The following LOC400499 variants were observed in gnomAD, a reference collection of about 807,000 sequenced individuals.
the LOC400499 span, chr16:11,460,433 C>A: frequency 6.7e-7 from 1 of 1,484,426 alleles, no homozygotes; most frequent in South Asian, 1.3e-5. Context: ...ACTTGCCTGA[C>A]TCTAGTGCTC....
At chr16:11,373,010 T>A in the LOC400499 span, among the ~76,000 whole-genome samples, 1 of 152,232 alleles carries the variant, frequency 6.6e-6, no homozygotes, top group African/African-American at 2.4e-5. Context: ...TGTGGAGTGC[T>A]CACTCTGTGT....
the LOC400499 span, among the ~76,000 whole-genome samples, chr16:11,515,197 G>A: frequency 6.6e-6 from 1 of 152,062 alleles, no homozygotes; most frequent in Admixed American, 6.5e-5. Context: ...TGTAGTCCCA[G>A]CTACTTGGGA....
At chr16:11,466,107 G>A in the LOC400499 span, among the ~76,000 whole-genome samples, 1 of 152,114 alleles carries the variant, frequency 6.6e-6, no homozygotes, top group African/African-American at 2.4e-5. Flanking sequence ...ACAGCAATTT[G>A]CGCTACACAG....
the LOC400499 span, among the ~76,000 whole-genome samples, chr16:11,387,720 C>T: frequency 2.0e-5 from 3 of 152,178 alleles, no homozygotes; most frequent in South Asian, 2.1e-4. Context: ...CTCTGCCTCC[C>T]GGGTTTGTTT....
chr16:11,435,179 T>C, the LOC400499 span, among the ~76,000 whole-genome samples: 3 of 151,990 alleles, frequency 2.0e-5, no homozygotes, highest in African/African-American at 7.3e-5. Flanking sequence ...ATGGGGTCTA[T>C]GTTGTCCAGA....
chr16:11,516,034 T>A, the LOC400499 span: 1 of 399,360 alleles, frequency 2.5e-6, no homozygotes, highest in Non-Finnish European at 4.4e-6. Context: ...GGTGCTGGTA[T>A]GTGGTAGGAC....
the LOC400499 span, among the ~76,000 whole-genome samples, chr16:11,458,107 G>T: frequency 3.9e-5 from 6 of 152,236 alleles, no homozygotes; most frequent in African/African-American, 1.4e-4. Flanking sequence ...CACTTTGGGA[G>T]GCCAAGGCAG....
At chr16:11,422,095 G>A in the LOC400499 span, among the ~76,000 whole-genome samples, 1 of 152,186 alleles carries the variant, frequency 6.6e-6, no homozygotes, top group African/African-American at 2.4e-5. Context: ...ATGCACACAG[G>A]TTTATCATTG....
chr16:11,435,449 A>G, the LOC400499 span, among the ~76,000 whole-genome samples: 17 of 152,170 alleles, frequency 1.1e-4, no homozygotes, highest in Non-Finnish European at 1.6e-4. Context: ...GAACACTCTC[A>G]TAACAACGCA....
the LOC400499 span, among the ~76,000 whole-genome samples, chr16:11,447,280 T>G: frequency 1.3e-5 from 2 of 152,184 alleles, no homozygotes; most frequent in Non-Finnish European, 2.9e-5. Flanking sequence ...TGTGCCTCAG[T>G]TTCCCCATCT....
the LOC400499 span, chr16:11,501,105 C>G: frequency 9.0e-6 from 3 of 332,618 alleles, no homozygotes; most frequent in Non-Finnish European, 1.5e-5. Flanking sequence ...GGGGCTGACC[C>G]GGGTCTGGGA....
At chr16:11,411,199 T>C in the LOC400499 span, 2 of 399,282 alleles carry the variant, frequency 5.0e-6, no homozygotes, top group African/African-American at 4.1e-5. Context: ...TGCCTCGGGC[T>C]GGGCATCTGG....
the LOC400499 span, among the ~76,000 whole-genome samples, chr16:11,396,908 C>T: frequency 2.0e-5 from 3 of 152,164 alleles, no homozygotes; most frequent in East Asian, 3.9e-4. Flanking sequence ...TTGCTCCCTC[C>T]GTAAGTGCTG....
the LOC400499 span, among the ~76,000 whole-genome samples, chr16:11,486,257 AGATGGATGGATGGAGG>A: frequency 8.7e-4 from 56 of 64,440 alleles, 5 homozygotes; most frequent in African/African-American, 5.2e-3. Context: ...TTGAGTGAAT[AGATGGATGGATGGAGG>A]GATGGATGGA....
At chr16:11,426,676 C>T in the LOC400499 span, among the ~76,000 whole-genome samples, 2 of 150,974 alleles carry the variant, frequency 1.3e-5, no homozygotes, top group Non-Finnish European at 2.9e-5. Flanking sequence ...TACCTGTAAT[C>T]CCAGCACTTT....
the LOC400499 span, among the ~76,000 whole-genome samples, chr16:11,495,621 C>G: frequency 2.6e-5 from 4 of 152,190 alleles, no homozygotes; most frequent in Admixed American, 6.5e-5. Flanking sequence ...CTCAAGTGAT[C>G]TGCCCGCCTC....
At chr16:11,487,076 G>C in the LOC400499 span, among the ~76,000 whole-genome samples, 3 of 151,972 alleles carry the variant, frequency 2.0e-5, no homozygotes, top group African/African-American at 4.8e-5. Flanking sequence ...TGGAGTGATG[G>C]AGGCATGTAG....
chr16:11,395,420 C>T, the LOC400499 span, among the ~76,000 whole-genome samples: 1 of 152,218 alleles, frequency 6.6e-6, no homozygotes, highest in Non-Finnish European at 1.5e-5. Context: ...ACTCCCAGGG[C>T]TCCAGTTCCA....
chr16:11,423,119 C>A, the LOC400499 span: 1 of 399,242 alleles, frequency 2.5e-6, no homozygotes, highest in Non-Finnish European at 4.4e-6. Flanking sequence ...GCTGTGCCAG[C>A]CCCGCTGGAG....
Sources: allele counts gnomAD v4.1 joint callset (sites outside exome capture counted in the v4.1 genomes callset), GRCh38; gene constraint gnomAD v4.1.1; transcripts MANE v1.5.